Variants in SLC12A1 observed in about 807,000 individuals in gnomAD.
SLC12A1 encodes solute carrier family 12 member 1.
Under a neutral mutation model 130.4 loss-of-function variants are expected in SLC12A1, and 89 were observed. That is an observed-to-expected ratio of 0.68 (90% CI 0.58 to 0.81). The LOEUF is 0.81. SLC12A1 is among the 40% of genes least tolerant of loss of function. The probability of loss-of-function intolerance (pLI) is 0.00; values close to 1 mark genes in which losing one functional copy is unlikely to be tolerated. For missense variants in SLC12A1, 1,310 were observed against 1,336.4 expected, an observed-to-expected ratio of 0.98 and a Z score of 0.31; for synonymous variants, 499 against 460.0, an observed-to-expected ratio of 1.08 and a Z score of -1.09.
intron 17 of SLC12A1, among the ~76,000 whole-genome samples, chr15:48,264,168 T>C (rs1482464003): frequency 6.6e-6 from 1 of 152,208 alleles, no homozygotes; most frequent in East Asian, 1.9e-4. Flanking sequence ...ATTCATGTTT[T>C]TCTTATTCAT....
chr15:48,221,219 C>T, intron 4 of SLC12A1: 1 of 667,090 alleles, frequency 1.5e-6, no homozygotes, highest in African/African-American at 1.8e-5. Flanking sequence ...GGTGAATGCT[C>T]AAGGAGATCT....
chr15:48,290,698 CATAT>C (rs900006586), intron 23 of SLC12A1, among the ~76,000 whole-genome samples: 1 of 151,622 alleles, frequency 6.6e-6, no homozygotes, highest in Admixed American at 6.6e-5. Context: ...TGTATGACTG[CATAT>C]ATATTATGCA....
intron 6 of SLC12A1, among the ~76,000 whole-genome samples, chr15:48,230,144 A>G (rs1389163852): frequency 2.6e-5 from 4 of 152,200 alleles, no homozygotes; most frequent in African/African-American, 7.2e-5. Flanking sequence ...ACTTAATACT[A>G]CAACAACTTC....
intron 4 of SLC12A1, chr15:48,224,455 T>C (rs1367248360): frequency 6.6e-6 from 1 of 152,214 alleles, no homozygotes; most frequent in East Asian, 1.9e-4. Context: ...CATGGGCTTA[T>C]ATATCATCTT....
At chr15:48,210,663 A>G (rs2041041132) in intron 2 of SLC12A1, among the ~76,000 whole-genome samples, 1 of 148,860 alleles carries the variant, frequency 6.7e-6, no homozygotes, top group African/African-American at 2.5e-5. Flanking sequence ...AAGACCAGCC[A>G]TGACCAACTG....
intron 24 of SLC12A1, among the ~76,000 whole-genome samples, chr15:48,293,442 A>T (rs1004469239): frequency 3.3e-5 from 5 of 152,218 alleles, no homozygotes; most frequent in African/African-American, 1.2e-4. Flanking sequence ...AAGAGGAATC[A>T]TACAGAGGGA....
intron 15 of SLC12A1, among the ~76,000 whole-genome samples, chr15:48,254,012 T>C (rs559627991): frequency 7.2e-5 from 11 of 152,368 alleles, no homozygotes; most frequent in Non-Finnish European, 1.6e-4. Context: ...TATTCAGTAA[T>C]GAGAGTTCTT....
At chr15:48,237,092 T>G (rs2041448559) in intron 9 of SLC12A1, 3 of 691,924 alleles carry the variant, frequency 4.3e-6, no homozygotes, top group Admixed American at 4.2e-5. Context: ...TAGAATCAAG[T>G]GCAAAGGAAA....
chr15:48,301,504 G>GCGGGGGA, intron 26 of SLC12A1, 122 bp downstream of exon 26: 1 of 502,700 alleles, frequency 2.0e-6, no homozygotes. Context: ...GTTTTTTTTG[G>GCGGGGGA]GGGGGGGAAC....
intron 11 of SLC12A1, among the ~76,000 whole-genome samples, chr15:48,245,211 A>G (rs1312374102): frequency 1.3e-5 from 2 of 152,234 alleles, no homozygotes; most frequent in Admixed American, 6.5e-5. Flanking sequence ...AACCTAGATT[A>G]GTTAGCACTT....
At chr15:48,233,797 T>G (rs1208673807) in intron 8 of SLC12A1, among the ~76,000 whole-genome samples, 1 of 152,072 alleles carries the variant, frequency 6.6e-6, no homozygotes, top group African/African-American at 2.4e-5. Flanking sequence ...TCTATTATTT[T>G]CCCTCCCTTC....
intron 19 of SLC12A1, among the ~76,000 whole-genome samples, chr15:48,271,852 TG>T (rs2041902112): frequency 6.6e-6 from 1 of 152,202 alleles, no homozygotes; most frequent in African/African-American, 2.4e-5. Flanking sequence ...CAGACATTCT[TG>T]GAAATTGACC....
At position 48,240,898 on chromosome 15, in the gene SLC12A1, TA is replaced by T. The variant is rs928615099; in HGVS notation, c.1216-615del. On this transcript the variant is annotated intron_variant, in intron 9 of 26. Coordinates refer to ENST00000380993, the MANE Select transcript of SLC12A1 (RefSeq NM_000338.3). Reference sequence around the variant, plus strand: ...AACTTAGTGAATGTATATACATTTATAAGCAAGAGAAAAGCCCATTTTCTGG... The same window carrying T: ...AACTTAGTGAATGTATATACATTTATAGCAAGAGAAAAGCCCATTTTCTGG... 1.1e-4 allele frequency among the ~76,000 whole-genome samples: 17 copies of T among 152,328 alleles called. No individual in the cohort carries two copies. In the South Asian group the frequency reaches 3.1e-3, roughly 28 times the overall value.
At chr15:48,237,592 G>T (rs941772070) in intron 9 of SLC12A1, among the ~76,000 whole-genome samples, 11 of 152,130 alleles carry the variant, frequency 7.2e-5, no homozygotes, top group African/African-American at 2.7e-4. Flanking sequence ...GGCATACATG[G>T]TCATAATATT....
intron 17 of SLC12A1, among the ~76,000 whole-genome samples, chr15:48,261,394 C>A (rs140814585): frequency 6.6e-6 from 1 of 152,158 alleles, no homozygotes; most frequent in Non-Finnish European, 1.5e-5. Flanking sequence ...TCTGTGCCAC[C>A]AATGGCCCTG....
chr15:48,286,309 T>G (rs187505744), intron 21 of SLC12A1, among the ~76,000 whole-genome samples: 19 of 152,342 alleles, frequency 1.2e-4, no homozygotes, highest in African/African-American at 4.6e-4. Context: ...GGATACCCCA[T>G]GGGCCGTGGC....
intron 2 of SLC12A1, among the ~76,000 whole-genome samples, chr15:48,213,648 C>T (rs2141007895): frequency 6.6e-6 from 1 of 151,986 alleles, no homozygotes; most frequent in East Asian, 1.9e-4. Flanking sequence ...GGACTACAGG[C>T]GCCCGCCAGC....
intron 11 of SLC12A1, among the ~76,000 whole-genome samples, chr15:48,245,812 A>C (rs1597423544): frequency 6.6e-6 from 1 of 152,246 alleles, no homozygotes; most frequent in African/African-American, 2.4e-5. Context: ...GTCAAATGAC[A>C]GTCCTGTTTT....
At chr15:48,218,540 A>G (rs1207469190) in intron 2 of SLC12A1, among the ~76,000 whole-genome samples, 1 of 152,188 alleles carries the variant, frequency 6.6e-6, no homozygotes, top group Non-Finnish European at 1.5e-5. Context: ...CAAGGGCAAG[A>G]GCTTCAATCA....
Sources: allele counts gnomAD v4.1 joint callset (sites outside exome capture counted in the v4.1 genomes callset), GRCh38; gene constraint gnomAD v4.1.1; transcripts MANE v1.5; gene names NCBI Gene and HGNC (gene_info 2026-07-23, HGNC 2026-07-21).